The following ZNF143 variants were observed in gnomAD, a reference collection of about 807,000 sequenced individuals.
ZNF143 encodes zinc finger protein 143.
Under a neutral mutation model 74.1 loss-of-function variants are expected in ZNF143, and 49 were observed. That is an observed-to-expected ratio of 0.66 (90% confidence interval 0.53 to 0.84). The LOEUF is 0.84. ZNF143 is among the 40% of genes least tolerant of loss of function. The pLI is 0.00. For missense variants in ZNF143, 637 were observed against 793.4 expected, an observed-to-expected ratio of 0.80 and a Z score of 2.37; for synonymous variants, 304 against 282.8, an observed-to-expected ratio of 1.07 and a Z score of -0.75.
intron 15 of ZNF143, among the ~76,000 whole-genome samples, chr11:9,525,890 C>T (rs2134284399): frequency 6.6e-6 from 1 of 152,250 alleles, no homozygotes; most frequent in Non-Finnish European, 1.5e-5. Context: ...CCCTATAATC[C>T]TAGCACTTTG....
In ZNF143 at chr11:9,474,545, T is replaced by C; in HGVS notation, c.290-5T>C. 1 of 1,614,122 alleles carries C rather than the reference T, an allele frequency of 6.2e-7. No individual in the cohort carries two copies. Among genetic ancestry groups the C allele is most frequent in the South Asian group, 1.1e-5 (1 of 91,082 alleles). On this transcript the variant is annotated splice_polypyrimidine_tract_variant and splice_region_variant and intron_variant, in intron 4 of 15. Transcript: ENST00000396602. ...TGAGATCTAAATGTAAGCATTGTTC[T>C]TGAGCAGGGGACAGTTTGCGTCTAG... is the stretch of plus-strand genomic sequence containing the variant.
intron 12 of ZNF143, among the ~76,000 whole-genome samples, chr11:9,511,656 G>A (rs1030484508): frequency 1.3e-5 from 2 of 151,482 alleles, no homozygotes; most frequent in South Asian, 4.2e-4. Context: ...CAGACTGGTC[G>A]CGAACTCCCA....
intron 14 of ZNF143, among the ~76,000 whole-genome samples, chr11:9,520,811 TTC>T (rs1290732547): frequency 2.6e-5 from 4 of 152,290 alleles, no homozygotes; most frequent in Non-Finnish European, 5.9e-5. Context: ...TAAAAAAGAA[TTC>T]TGTTTGTTTC....
At chr11:9,523,306 T>C (rs1849003573) in intron 14 of ZNF143, among the ~76,000 whole-genome samples, 1 of 152,192 alleles carries the variant, frequency 6.6e-6, no homozygotes, top group Admixed American at 6.5e-5. Context: ...CTTGGTAAGA[T>C]TGAAACTTCA....
chr11:9,491,302 A>G (rs1847765819), intron 7 of ZNF143, among the ~76,000 whole-genome samples: 1 of 151,742 alleles, frequency 6.6e-6, no homozygotes, highest in Non-Finnish European at 1.5e-5. Context: ...TTGTCACTGT[A>G]ATTTTTTCTA....
chr11:9,471,114 T>A (rs1856539954), intron 1 of ZNF143, 188 bp from the exon 2 acceptor site: 2 of 397,662 alleles, frequency 5.0e-6, no homozygotes, highest in South Asian at 1.1e-4. Flanking sequence ...CAGTTTGAAT[T>A]GTTGAATTAT....
Position 9,515,371 on chromosome 11 carries a change from C to T in ZNF143, c.1525-830C>T, listed in dbSNP as rs184359024. 7.6e-3 allele frequency among the ~76,000 whole-genome samples: 1,158 copies of T among 151,906 alleles called. 22 individuals carry two copies. The highest frequency in any genetic ancestry group is 0.027 in the African/African-American group (1,109 of 41,404). Reference sequence around the variant, plus strand: ...ATGCAATTAAGAAATACTGTATTGCCGGGTGTGGTGGCTCATGCCTGTAAT... The same window carrying T: ...ATGCAATTAAGAAATACTGTATTGCTGGGTGTGGTGGCTCATGCCTGTAAT... On this transcript the variant is annotated intron_variant, in intron 13 of 15. Transcript: ENST00000396602.
chr11:9,518,794 G>A (rs1041980013), intron 14 of ZNF143, among the ~76,000 whole-genome samples: 9 of 151,644 alleles, frequency 5.9e-5, no homozygotes, highest in Non-Finnish European at 1.0e-4. Flanking sequence ...GCTATTTTAA[G>A]CTGCTTGTTA....
intron 11 of ZNF143, among the ~76,000 whole-genome samples, chr11:9,503,071 T>C (rs1024387395): frequency 6.6e-6 from 1 of 152,188 alleles, no homozygotes; most frequent in Admixed American, 6.5e-5. Flanking sequence ...GACCTCGTGA[T>C]CCACCTGCCT....
intron 9 of ZNF143, 34 bp from the exon 10 acceptor site, chr11:9,497,640 TG>T: frequency 1.3e-6 from 2 of 1,516,874 alleles, no homozygotes; most frequent in Non-Finnish European, 9.0e-7. Context: ...AGAGCAGTAT[TG>T]TGTAATTAAA....
chr11:9,473,859 T>C (rs774168072), intron 3 of ZNF143, 82 bp from the exon 4 acceptor site: 2 of 1,611,870 alleles, frequency 1.2e-6, no homozygotes, highest in South Asian at 2.2e-5. Context: ...TGTATGTTTT[T>C]ATAGTTGATA....
At position 9,522,390 on chromosome 11, in the gene ZNF143, G is replaced by GA. The variant is rs879512286; in HGVS notation, c.1687-2837dup. Among the ~76,000 whole-genome samples the GA allele has an allele frequency of 1.6e-3, 233 of 143,162 alleles. 1 individual carries two copies. Among genetic ancestry groups the GA allele is most frequent in the Admixed American group, 1.9e-3 (27 of 14,462 alleles). The allele number at this position is 143,162 out of a possible 152,430, so 93.9% of individuals were successfully genotyped here. A position where few individuals can be genotyped will look rare whatever the true frequency, so the allele number is the denominator to read the frequency against. On this transcript the variant is annotated intron_variant, in intron 14 of 15. Transcript: ENST00000396602. ...GCAGGTACAAGCCACTGCTTCTGGG[G>GA]AAAAAAAAAAAAATTTAAATTGTCT...
At chr11:9,517,829 A>G (rs144367932) in intron 14 of ZNF143, among the ~76,000 whole-genome samples, 1 of 152,340 alleles carries the variant, frequency 6.6e-6, no homozygotes, top group East Asian at 1.9e-4. Flanking sequence ...AACCTTAAAG[A>G]TTACTTGGAC....
chr11:9,491,993 G>A (rs1054746509), intron 7 of ZNF143, among the ~76,000 whole-genome samples: 3 of 152,064 alleles, frequency 2.0e-5, no homozygotes, highest in Non-Finnish European at 4.4e-5. Context: ...TGCCCAGGCT[G>A]GAGTGCAATG....
chr11:9,497,506 C>T (rs1848003179), intron 9 of ZNF143, among the ~76,000 whole-genome samples, 169 bp from the exon 10 acceptor site: 1 of 152,204 alleles, frequency 6.6e-6, no homozygotes, highest in Non-Finnish European at 1.5e-5. Flanking sequence ...GCTGGGGGTA[C>T]AGGCGTGAGC....
chr11:9,509,269 A>G (rs553454933), intron 12 of ZNF143, among the ~76,000 whole-genome samples: 17 of 152,352 alleles, frequency 1.1e-4, no homozygotes, highest in African/African-American at 4.1e-4. Context: ...GGAAGGTGAT[A>G]TGAAACAAGG....
At chr11:9,464,738 G>A (rs2133814569) in intron 1 of ZNF143, among the ~76,000 whole-genome samples, 1 of 152,056 alleles carries the variant, frequency 6.6e-6, no homozygotes, top group African/African-American at 2.4e-5. Context: ...CGACCAACAT[G>A]GTGAAATCCC....
At chr11:9,504,836 A>G (rs1253670259) in intron 11 of ZNF143, among the ~76,000 whole-genome samples, 2 of 116,812 alleles carry the variant, frequency 1.7e-5, no homozygotes, top group Admixed American at 9.4e-5. Context: ...CACCACGCCC[A>G]GCTAATTTTT....
At chr11:9,510,975 A>G (rs749523314) in intron 12 of ZNF143, among the ~76,000 whole-genome samples, 1 of 151,982 alleles carries the variant, frequency 6.6e-6, no homozygotes, top group Non-Finnish European at 1.5e-5. Flanking sequence ...TTGTGTACTG[A>G]TGGTTTGCAA....
Sources: gnomAD v4.1 joint callset for allele counts (sites outside exome capture counted in the v4.1 genomes callset) on GRCh38, gnomAD v4.1.1 for gene constraint, MANE v1.5 for transcripts, NCBI Gene and HGNC (gene_info 2026-07-23, HGNC 2026-07-21) for gene names.